The following ADPRHL1 variants were observed in gnomAD, a reference collection of about 807,000 sequenced individuals.
ADPRHL1 encodes ADP-ribosylhydrolase like 1, also known as inactive ADP-ribosyltransferase ARH2.
ADPRHL1 carries 43 observed loss-of-function variants against 44.1 expected under a neutral mutation model. That is an observed-to-expected ratio of 0.98 (90% CI 0.76 to 1.26). ADPRHL1 has a LOEUF of 1.26. Among genes scored for constraint, ADPRHL1 ranks in the 50% most tolerant of loss-of-function variants. ADPRHL1 has a pLI of 0.00. For missense variants in ADPRHL1, 2,022 were observed against 2,496.9 expected (o/e 0.81, Z 4.05); for synonymous variants, 878 against 1,017.4 (o/e 0.86, Z 2.61).
intron 4 of ADPRHL1, among the ~76,000 whole-genome samples, chr13:113,425,532 C>T (rs867160754): frequency 3.9e-5 from 6 of 152,052 alleles, no homozygotes; most frequent in South Asian, 2.1e-4. Context: ...CCACCACACC[C>T]GGCTAATTTT....
rs1467927532 is a variant in ADPRHL1, at chr13:113,406,383, C to T, written c.2899G>A (p.Gly967Ser). 5 of 1,231,968 alleles carry T rather than the reference C, an allele frequency of 4.1e-6. No individual in the cohort carries two copies. Among genetic ancestry groups the T allele is most frequent in the East Asian group, 6.3e-5 (2 of 31,724 alleles). The allele number at this position is 1,231,968 out of a possible 1,614,324, so 76.3% of individuals were successfully genotyped here. A position where few individuals can be genotyped will look rare whatever the true frequency, so the allele number is the denominator to read the frequency against. ...ENKGSFENSHGPRNPDDISGE... is the reference protein window; with the variant it reads ...ENKGSFENSHSPRNPDDISGE... ...GAAATATCGTCAGGATTCCTGGGAC[C>T]GTGTGAATTCTCAAAGCTGCCTTTG... Residue 967 changes from glycine to serine, a missense_variant, in exon 8 of 8, where the codon GGT (glycine) becomes AGT (serine). Around this residue, in one of 8 missense-constraint regions of ADPRHL1, gnomAD observed 1,221 missense variants for 1,517.8 expected, o/e 0.80. Coordinates refer to ENST00000612156, the MANE Select transcript of ADPRHL1 (RefSeq NM_001394807.1).
intron 4 of ADPRHL1, among the ~76,000 whole-genome samples, chr13:113,425,970 C>T (rs1332200229): frequency 6.6e-6 from 1 of 152,236 alleles, no homozygotes; most frequent in East Asian, 1.9e-4. Context: ...TGTGAGCCAC[C>T]ATGCCCAGCC....
chr13:113,432,979 G>A (rs540053091), intron 3 of ADPRHL1, among the ~76,000 whole-genome samples: 171 of 152,272 alleles, frequency 1.1e-3, no homozygotes, highest in African/African-American at 3.9e-3. Flanking sequence ...ACCCCAGCCT[G>A]GCCTCTCAGA....
Position 113,402,987 on chromosome 13 carries a change from A to C in ADPRHL1, c.*391T>G. 1 of 159,170 alleles carries C rather than the reference A, an allele frequency of 6.3e-6. No homozygotes were observed. Among genetic ancestry groups the C allele is most frequent in the Non-Finnish European group, 1.4e-5 (1 of 73,058 alleles). 9.9% of individuals were successfully genotyped at this position (159,170 alleles called of 1,614,324 possible). A position where few individuals can be genotyped will look rare whatever the true frequency, so the allele number is the denominator to read the frequency against. On this transcript the variant is annotated 3_prime_UTR_variant, in exon 8 of 8. Transcript: ENST00000612156. The stretch of plus-strand genomic sequence containing the variant: ...GGAGGTGGCCCTGTGAGAGCTGGGG[A>C]GGTGTCCCAAAGTGCCAGCATCCTG...
At chr13:113,432,634 C>A (rs182674690) in intron 3 of ADPRHL1, among the ~76,000 whole-genome samples, 1 of 151,942 alleles carries the variant, frequency 6.6e-6, no homozygotes, top group African/African-American at 2.4e-5. Flanking sequence ...AGTAAAGGCA[C>A]GCACCTGCTT....
At position 113,404,706 on chromosome 13, in the gene ADPRHL1, C is replaced by A; in HGVS notation, c.4576G>T (p.Gly1526Cys). Residue 1526 changes from glycine to cysteine, a missense_variant, in exon 8 of 8, where the codon GGT becomes TGT. By Grantham distance (159) the Gly-to-Cys change is radical. Coordinates refer to ENST00000612156, the MANE Select transcript of ADPRHL1 (RefSeq NM_001394807.1). Reference protein sequence around the residue: ...AQGQAQEQAQGGTQGHSQGQA... With the variant: ...AQGQAQEQAQCGTQGHSQGQA... ...CCCTGACTGTGTCCCTGGGTCCCACCCTGAGCCTGTTCCTGTGCCTGCCCC... is the reference window on the plus strand; with the variant it reads ...CCCTGACTGTGTCCCTGGGTCCCACACTGAGCCTGTTCCTGTGCCTGCCCC... The A allele has an allele frequency of 7.8e-7, 1 of 1,280,468 alleles. No individual in the cohort carries two copies. Among genetic ancestry groups the A allele is most frequent in the Non-Finnish European group, 9.8e-7 (1 of 1,020,086 alleles). 79.3% of individuals were successfully genotyped at this position (1,280,468 alleles called of 1,614,324 possible).
At position 113,453,265 on chromosome 13, in the gene ADPRHL1, T is replaced by G; in HGVS notation, c.173A>C (p.Asn58Thr). The change falls in exon 1 of 8, where the codon AAC becomes ACC. Residue 58 changes from asparagine (N) to threonine (T), a missense_variant. This residue lies in a region of ADPRHL1 where 437 missense variants were observed against 430.7 expected (regional missense o/e 1.01). Coordinates refer to ENST00000612156, the MANE Select transcript of ADPRHL1 (RefSeq NM_001394807.1). This position sits in a 1 kb window ranked among gnomAD's most constrained non-coding sequence, Gnocchi z 5.4. ...GGCGGTTGCGATGTGCATGATGGTG[T>G]TGTCACTCACGGGCCATTCTCCTGG... is the stretch of plus-strand genomic sequence containing the variant. The part of the protein sequence containing the change: ...LSPGEWPVSD[N>T]TIMHIATAEA... The G allele has an allele frequency of 1.2e-6, 2 of 1,614,118 alleles. No individual in the cohort carries two copies. Among genetic ancestry groups the G allele is most frequent in the Non-Finnish European group, 1.7e-6 (2 of 1,180,018 alleles).
chr13:113,437,747 G>A (rs2139641381), intron 2 of ADPRHL1, among the ~76,000 whole-genome samples: 1 of 152,342 alleles, frequency 6.6e-6, no homozygotes, highest in South Asian at 2.1e-4. Flanking sequence ...TGAGCATGAG[G>A]CACCAGATCC....
In ADPRHL1 at chr13:113,406,342, A is replaced by G; in HGVS notation, c.2940T>C (p.Ser980=). ...NPDDISGERT[S]ELRDVKHPLP... is the part of the protein sequence containing the mutation. Reference sequence around the variant, plus strand: ...ACGGATGCTTCACATCTCTGAGCTCAGAGGTCCTCTCTCCTGAAATATCGT... The same window carrying G: ...ACGGATGCTTCACATCTCTGAGCTCGGAGGTCCTCTCTCCTGAAATATCGT... The change falls in exon 8 of 8, where the codon TCT becomes TCC. Residue 980 remains serine (S), a synonymous_variant. Transcript: ENST00000612156. 2.4e-6 allele frequency: 3 copies of G among 1,232,138 alleles called. No individual in the cohort carries two copies. Among genetic ancestry groups the G allele is most frequent in the Non-Finnish European group, 3.0e-6 (3 of 987,982 alleles). 76.3% of individuals were successfully genotyped at this position (1,232,138 alleles called of 1,614,324 possible). A position where few individuals can be genotyped will look rare whatever the true frequency, so the allele number is the denominator to read the frequency against.
Position 113,422,854 on chromosome 13 carries a change from C to T in ADPRHL1, c.1033G>A (p.Ala345Thr). The T allele has an allele frequency of 1.2e-6, 2 of 1,612,894 alleles. No individual in the cohort carries two copies. The highest frequency in any genetic ancestry group is 1.7e-4 in the Middle Eastern group (1 of 6,060). The change falls in exon 7 of 8, where the codon GCT becomes ACT. Residue 345 changes from alanine to threonine, a missense_variant. Physicochemically the swap from Ala to Thr is moderately conservative, Grantham distance 58 (BLOSUM62 0). Transcript: ENST00000612156. ...TCCTCTGTGGACAGGCGGTAGAGAGCCGCGCCCAGGTCCTCCAGCTTCTCC... is the reference window on the plus strand; with the variant it reads ...TCCTCTGTGGACAGGCGGTAGAGAGTCGCGCCCAGGTCCTCCAGCTTCTCC... ...DKEKLEDLGA[A>T]LYRLSTEENR...
chr13:113,426,226 C>A (rs566380450), intron 4 of ADPRHL1, among the ~76,000 whole-genome samples: 1 of 152,216 alleles, frequency 6.6e-6, no homozygotes, highest in Non-Finnish European at 1.5e-5. Flanking sequence ...TCGCCTTCCC[C>A]GCCGTGGAGC....
intron 2 of ADPRHL1, among the ~76,000 whole-genome samples, chr13:113,443,746 A>G (rs1423958660): frequency 6.6e-6 from 1 of 152,132 alleles, no homozygotes; most frequent in African/African-American, 2.4e-5. Context: ...GGAGTTCGAG[A>G]CCAGCCTGAG....
At chr13:113,451,599 G>C (rs1326146645) in intron 1 of ADPRHL1, among the ~76,000 whole-genome samples, 1 of 152,144 alleles carries the variant, frequency 6.6e-6, no homozygotes, top group Non-Finnish European at 1.5e-5. Flanking sequence ...CTTGAGGTCA[G>C]GAGTTCGAGA....
At position 113,404,794 on chromosome 13, in the gene ADPRHL1, G is replaced by C. The variant is rs1485987808; in HGVS notation, c.4488C>G (p.Asp1496Glu). The C allele has an allele frequency of 9.6e-6, 12 of 1,253,598 alleles. No homozygotes were observed. Among genetic ancestry groups the C allele is most frequent in the Non-Finnish European group, 1.2e-5 (12 of 1,002,318 alleles). 77.7% of individuals were successfully genotyped at this position (1,253,598 alleles called of 1,614,324 possible). A position where few individuals can be genotyped will look rare whatever the true frequency, so the allele number is the denominator to read the frequency against. ...GAGCGTGTCCCTGAACCTGTCCCCG[G>C]TCCCATTCCTGAACCTGTTTCTGGG... is the stretch of plus-strand genomic sequence containing the variant. ...GQAQKQVQEWDRGQVQGHAQE... is the reference protein window; with the variant it reads ...GQAQKQVQEWERGQVQGHAQE... The change falls in exon 8 of 8, where the codon GAC (aspartate) becomes GAG (glutamate). Residue 1496 changes from aspartate (D) to glutamate (E), a missense_variant. Around this residue, in one of 8 missense-constraint regions of ADPRHL1, gnomAD observed 1,221 missense variants for 1,517.8 expected, o/e 0.80. Transcript: ENST00000612156.
Position 113,425,127 on chromosome 13 carries a change from C to T in ADPRHL1, c.699G>A (p.Glu233=), listed in dbSNP as rs2043958840. The part of the protein sequence containing the change: ...YFEAKWQFYL[E]ERKISKDSEN... ...CTGAGTCTTTACTGATTTTCCTCTC[C>T]TCCAAATAAAATTGCCATTTAGCTT... is the stretch of plus-strand genomic sequence containing the variant. The change falls in exon 5 of 8, where the codon GAG becomes GAA. Residue 233 remains glutamate (E), a synonymous_variant. Transcript: ENST00000612156. The T allele has an allele frequency of 1.2e-6, 2 of 1,613,372 alleles. No homozygotes were observed. Among genetic ancestry groups the T allele is most frequent in the Non-Finnish European group, 1.7e-6 (2 of 1,179,936 alleles).
At chr13:113,422,798 AG>A in intron 7 of ADPRHL1, 27 bp downstream of exon 7, 1 of 1,612,284 alleles carries the variant, frequency 6.2e-7, no homozygotes, top group Non-Finnish European at 8.5e-7. Flanking sequence ...TCGGCTCTCT[AG>A]GGGGAAAGTG....
intron 7 of ADPRHL1, among the ~76,000 whole-genome samples, chr13:113,419,897 GGACA>G (rs1471127763): frequency 6.6e-6 from 1 of 152,096 alleles, no homozygotes; most frequent in Non-Finnish European, 1.5e-5. Flanking sequence ...ACATACAGGT[GGACA>G]GCCAGGGTGT....
intron 7 of ADPRHL1, among the ~76,000 whole-genome samples, chr13:113,416,046 C>T (rs532487102): frequency 2.6e-4 from 40 of 151,584 alleles, no homozygotes; most frequent in African/African-American, 7.5e-4. Flanking sequence ...CCCCAGGCGG[C>T]GGCAGAGCTG....
At position 113,441,072 on chromosome 13, in the gene ADPRHL1, G is replaced by T. The variant is rs569042367; in HGVS notation, c.379+3353C>A. 2.0e-5 allele frequency among the ~76,000 whole-genome samples: 3 copies of T among 152,150 alleles called. No homozygotes were observed. Among genetic ancestry groups the T allele is most frequent in the African/African-American group, 7.2e-5 (3 of 41,438 alleles). ...GGAGGTGGAGGCAGGAGAATCAGCT[G>T]AACCCGGGAAGTAGAGGTTGCAGTG... On this transcript the variant is annotated intron_variant, in intron 2 of 7. Coordinates refer to ENST00000612156, the MANE Select transcript of ADPRHL1 (RefSeq NM_001394807.1). The surrounding 1 kb of genome is among the most constrained non-coding windows in gnomAD (Gnocchi z 6.0).
Sources: allele counts gnomAD v4.1 joint callset (sites outside exome capture counted in the v4.1 genomes callset), GRCh38; gene constraint gnomAD v4.1.1; regional missense constraint gnomAD v4.1.1; non-coding constraint Gnocchi (gnomAD v3.1); transcripts MANE v1.5; gene names NCBI Gene and HGNC (gene_info 2026-07-23, HGNC 2026-07-21).